ABI2: variants seen among roughly 807,000 people sequenced by gnomAD.
ABI2 encodes abl interactor 2.
Under a neutral mutation model 59.2 loss-of-function variants are expected in ABI2, and 25 were observed. The ratio of observed to expected loss-of-function variants is 0.42; its 90% CI spans 0.31 to 0.59. The LOEUF (loss-of-function observed/expected upper bound fraction) is 0.59. Ranked by LOEUF, ABI2 falls within the 20% of genes least tolerant of loss-of-function variation. ABI2 has a pLI of 0.14. For synonymous variants in ABI2, 213 were observed against 235.5 expected (o/e 0.90, Z 0.87); for missense variants, 545 against 681.8 (o/e 0.80, Z 2.23).
intron 1 of ABI2, among the ~76,000 whole-genome samples, chr2:203,348,227 C>T (rs1373423095): frequency 2.6e-5 from 4 of 151,770 alleles, no homozygotes; most frequent in Middle Eastern, 3.2e-3. Flanking sequence ...GGGGACAGAG[C>T]GAAACTTTGT....
At chr2:203,395,895 A>G in intron 7 of ABI2, 115 bp downstream of exon 7, 4 of 1,201,926 alleles carry the variant, frequency 3.3e-6, no homozygotes, top group Non-Finnish European at 4.5e-6. Context: ...TAGGAATCAT[A>G]AATATTGGGA....
chr2:203,411,037 T>C (rs2097652110), intron 9 of ABI2, among the ~76,000 whole-genome samples: 1 of 151,618 alleles, frequency 6.6e-6, no homozygotes, highest in South Asian at 2.1e-4. Flanking sequence ...TTATGTTATA[T>C]ATATATTTAA....
chr2:203,328,888 C>G lies in ABI2; in HGVS notation c.117+257C>G, dbSNP rs1575343595. On this transcript the variant is annotated intron_variant, in intron 1 of 11. Coordinates refer to ENST00000261018, the MANE Select transcript of ABI2 (RefSeq NM_001375670.1). ...TGTCGCGTCCCGCCTCCTCGCCGCT[C>G]CCGCCCTCGGCCGCCCCCGCACTCC... 1.7e-5 allele frequency: 5 copies of G among 297,754 alleles called. No individual in the cohort carries two copies. In the East Asian group the frequency reaches 2.3e-4, roughly 14 times the overall value. 18.4% of individuals were successfully genotyped at this position (297,754 alleles called of 1,614,324 possible).
rs183146992 is a variant in ABI2, at chr2:203,332,301, A to G, written c.117+3670A>G. ...TGGTAGAGACTTTTTTTTGAGATAC[A>G]TGTAAGACCTGCGTTTTTCTTCATT... On this transcript the variant is annotated intron_variant, in intron 1 of 11. Coordinates refer to ENST00000261018, the MANE Select transcript of ABI2 (RefSeq NM_001375670.1). Among the ~76,000 whole-genome samples the G allele has an allele frequency of 3.4e-4, 51 of 152,130 alleles. 1 individual carries two copies. Among genetic ancestry groups the G allele is most frequent in the Middle Eastern group, 3.4e-3 (1 of 294 alleles).
intron 1 of ABI2, among the ~76,000 whole-genome samples, chr2:203,348,749 C>T (rs538694444): frequency 6.6e-6 from 1 of 152,036 alleles, no homozygotes; most frequent in African/African-American, 2.4e-5. Context: ...CCTCCCATCA[C>T]GTATGTACAG....
chr2:203,331,101 ACTTTCT>A (rs2073024460), intron 1 of ABI2, among the ~76,000 whole-genome samples: 1 of 152,160 alleles, frequency 6.6e-6, no homozygotes, highest in Admixed American at 6.5e-5. Flanking sequence ...TATATTTTAC[ACTTTCT>A]CTTTTTTGAT....
intron 1 of ABI2, among the ~76,000 whole-genome samples, chr2:203,345,467 C>A (rs1057243979): frequency 1.3e-5 from 2 of 152,080 alleles, no homozygotes. Flanking sequence ...GAACCAATTC[C>A]GGACACAATC....
chr2:203,344,517 C>T (rs778917582), intron 1 of ABI2, among the ~76,000 whole-genome samples: 4 of 151,660 alleles, frequency 2.6e-5, no homozygotes, highest in East Asian at 1.9e-4. Context: ...AGGCAACTGC[C>T]GCCACACCCG....
At chr2:203,403,335 T>C (rs2097296591) in intron 9 of ABI2, 1 of 154,790 alleles carries the variant, frequency 6.5e-6, no homozygotes, top group African/African-American at 2.4e-5. Flanking sequence ...AGAACAAATA[T>C]TAGACACCAT....
rs182561721 is a variant in ABI2, at chr2:203,431,976, T to C, written c.*4624T>C. ...GTACTTTTAGCTCCCAGAGGGAGAG[T>C]TGGTGGTATTATGAGTTGAGTAAAA... On this transcript the variant is annotated 3_prime_UTR_variant, in exon 12 of 12. Coordinates refer to ENST00000261018, the MANE Select transcript of ABI2 (RefSeq NM_001375670.1). 8 of 152,224 alleles carry C rather than the reference T, an allele frequency of 5.3e-5. No homozygotes were observed. The East Asian group carries it at 1.5e-3, about 29-fold the overall frequency. The allele number at this position is 152,224 out of a possible 1,614,324, so 9.4% of individuals were successfully genotyped here.
At chr2:203,426,592 A>G (rs991579885) in intron 11 of ABI2, among the ~76,000 whole-genome samples, 7 of 152,144 alleles carry the variant, frequency 4.6e-5, no homozygotes, top group Non-Finnish European at 1.0e-4. Flanking sequence ...GAAAAAATAT[A>G]TGTAGCGGAC....
intron 2 of ABI2, among the ~76,000 whole-genome samples, chr2:203,372,561 A>AC (rs1255635131): frequency 2.0e-4 from 24 of 122,926 alleles, no homozygotes; most frequent in African/African-American, 4.5e-4. Context: ...CGGGGGGCTG[A>AC]CCCCCCCACC....
At chr2:203,406,789 G>A (rs545712863) in intron 9 of ABI2, among the ~76,000 whole-genome samples, 3 of 152,016 alleles carry the variant, frequency 2.0e-5, no homozygotes, top group East Asian at 1.9e-4. Flanking sequence ...TCAGCCTCCC[G>A]AGTAGTTGGA....
intron 1 of ABI2, among the ~76,000 whole-genome samples, chr2:203,331,170 A>G (rs2073087240): frequency 6.6e-6 from 1 of 152,014 alleles, no homozygotes; most frequent in Admixed American, 6.6e-5. Context: ...TCTCAGGATG[A>G]TAGCTCTTAT....
At chr2:203,399,896 T>A (rs980023963) in intron 8 of ABI2, among the ~76,000 whole-genome samples, 36 of 152,162 alleles carry the variant, frequency 2.4e-4, no homozygotes, top group Non-Finnish European at 2.9e-4. Context: ...AAAATTTTTT[T>A]AAATGAATCG....
At chr2:203,374,816 G>A (rs1234695507) in intron 2 of ABI2, 1 of 455,914 alleles carries the variant, frequency 2.2e-6, no homozygotes, top group African/African-American at 2.0e-5. Flanking sequence ...CTGTTTGATT[G>A]CAGATGTTTT....
intron 9 of ABI2, among the ~76,000 whole-genome samples, chr2:203,405,023 G>A (rs1402176649): frequency 1.3e-5 from 2 of 152,300 alleles, no homozygotes; most frequent in East Asian, 1.9e-4. Context: ...ATGCTTGAAA[G>A]TATATGTTAA....
At chr2:203,412,691 G>C (rs1305961636) in intron 10 of ABI2, among the ~76,000 whole-genome samples, 1 of 152,138 alleles carries the variant, frequency 6.6e-6, no homozygotes, top group Non-Finnish European at 1.5e-5. Context: ...ACACTGGCTC[G>C]AGGAGAAAAC....
In ABI2 at chr2:203,431,555, C is replaced by G. The variant is rs1239231175; in HGVS notation, c.*4203C>G. 6.6e-6 allele frequency: 1 copy of G among 152,300 alleles called. No individual in the cohort carries two copies. The highest frequency in any genetic ancestry group is 6.5e-5 in the Admixed American group (1 of 15,270). The allele number at this position is 152,300 out of a possible 1,614,324, so 9.4% of individuals were successfully genotyped here. On this transcript the variant is annotated 3_prime_UTR_variant, in exon 12 of 12. Coordinates refer to ENST00000261018, the MANE Select transcript of ABI2 (RefSeq NM_001375670.1). ...TGTGCAGTAAAAATGTTATATTACT[C>G]CAACACTGGCAGGAGCACAGCACAG...
Sources: gnomAD v4.1 joint callset for allele counts (sites outside exome capture counted in the v4.1 genomes callset) on GRCh38, gnomAD v4.1.1 for gene constraint, MANE v1.5 for transcripts, NCBI Gene and HGNC (gene_info 2026-07-23, HGNC 2026-07-21) for gene names.